The following INPP4B variants were observed in gnomAD, a reference collection of about 807,000 sequenced individuals.
INPP4B encodes the protein inositol polyphosphate-4-phosphatase type II B.
Under a neutral mutation model 122.5 loss-of-function variants are expected in INPP4B, and 55 were observed. That is an observed-to-expected ratio of 0.45 (90% confidence interval 0.36 to 0.56). INPP4B has a LOEUF of 0.56. Among genes scored for constraint, INPP4B ranks in the 20% least tolerant of loss-of-function variants. The pLI is 0.00. For missense variants in INPP4B, 1,000 were observed against 1,097.7 expected, an observed-to-expected ratio of 0.91 and a Z score of 1.26; for synonymous variants, 403 against 388.7, an observed-to-expected ratio of 1.04 and a Z score of -0.43.
At chr4:142,590,972 GT>G (rs1737363776) in intron 2 of INPP4B, among the ~76,000 whole-genome samples, 1 of 151,320 alleles carries the variant, frequency 6.6e-6, no homozygotes. Context: ...AGTATAGAAG[GT>G]GAGGCTGGTA....
At chr4:142,312,368 A>T (rs1765838225) in intron 8 of INPP4B, among the ~76,000 whole-genome samples, 1 of 152,308 alleles carries the variant, frequency 6.6e-6, no homozygotes, top group East Asian at 1.9e-4. Flanking sequence ...TCTCTTAATC[A>T]TCCCCCAGGA....
chr4:142,214,849 G>A (rs1048981905), intron 12 of INPP4B, among the ~76,000 whole-genome samples: 5 of 152,108 alleles, frequency 3.3e-5, no homozygotes, highest in African/African-American at 1.2e-4. Context: ...CACTGCGCCC[G>A]ACCCAGCACA....
chr4:142,441,485 T>C (rs1236872146), intron 3 of INPP4B, among the ~76,000 whole-genome samples: 1 of 152,180 alleles, frequency 6.6e-6, no homozygotes, highest in Non-Finnish European at 1.5e-5. Context: ...ACTCATGTTG[T>C]TCTGAGGTGC....
At chr4:142,092,826 G>T (rs1395355181) in intron 23 of INPP4B, among the ~76,000 whole-genome samples, 2 of 152,180 alleles carry the variant, frequency 1.3e-5, no homozygotes, top group South Asian at 2.1e-4. Flanking sequence ...TTAGAATGAG[G>T]AAAGGACAAG....
intron 1 of INPP4B, among the ~76,000 whole-genome samples, chr4:142,739,882 A>G (rs1767649294): frequency 6.6e-6 from 1 of 152,028 alleles, no homozygotes; most frequent in South Asian, 2.1e-4. Context: ...TTTCACATAT[A>G]TATTATTGCT....
intron 1 of INPP4B, among the ~76,000 whole-genome samples, chr4:142,780,224 T>C (rs1054923704): frequency 6.6e-6 from 1 of 152,200 alleles, no homozygotes; most frequent in South Asian, 2.1e-4. Flanking sequence ...TAAGTATCTG[T>C]ATCTTCACTA....
rs1366567049 is a variant in INPP4B, at chr4:142,624,668, C to T, written c.-191+101171G>A. Among the ~76,000 whole-genome samples the T allele has an allele frequency of 2.6e-5, 4 of 152,184 alleles. No individual in the cohort carries two copies. The East Asian group carries it at 7.7e-4, about 29-fold the overall frequency. On this transcript the variant is annotated intron_variant, in intron 2 of 25. Transcript: ENST00000262992. Reference sequence around the variant, plus strand: ...TCCTGATACCAAAGCCAGGCAAAGACACAACCCCAAAAAAGAGAATTTTAG... The same window carrying T: ...TCCTGATACCAAAGCCAGGCAAAGATACAACCCCAAAAAAGAGAATTTTAG...
intron 1 of INPP4B, among the ~76,000 whole-genome samples, chr4:142,732,422 T>C (rs1766238886): frequency 6.6e-6 from 1 of 152,078 alleles, no homozygotes; most frequent in Non-Finnish European, 1.5e-5. Flanking sequence ...TAATAAATGA[T>C]GAAATACATT....
intron 2 of INPP4B, among the ~76,000 whole-genome samples, chr4:142,680,032 G>A (rs1339621371): frequency 6.6e-6 from 1 of 151,760 alleles, no homozygotes; most frequent in Non-Finnish European, 1.5e-5. Flanking sequence ...TTCAGCAATG[G>A]ACAAGCTGGC....
At chr4:142,210,639 C>T (rs1307004749) in intron 12 of INPP4B, among the ~76,000 whole-genome samples, 1 of 152,146 alleles carries the variant, frequency 6.6e-6, no homozygotes, top group East Asian at 1.9e-4. Flanking sequence ...TAGGTTGAAT[C>T]TGAGATATAC....
At chr4:142,539,879 A>G (rs1044132577) in intron 2 of INPP4B, among the ~76,000 whole-genome samples, 2 of 152,018 alleles carry the variant, frequency 1.3e-5, no homozygotes, top group African/African-American at 4.8e-5. Flanking sequence ...ATACGTAGGG[A>G]AAAAAATTAC....
chr4:142,480,162 T>C (rs934234528), intron 2 of INPP4B, among the ~76,000 whole-genome samples: 10 of 152,236 alleles, frequency 6.6e-5, no homozygotes, highest in Admixed American at 2.6e-4. Flanking sequence ...CCTATACTTA[T>C]ACTAATTGGA....
At chr4:142,484,659 T>C (rs990668409) in intron 2 of INPP4B, among the ~76,000 whole-genome samples, 1 of 152,140 alleles carries the variant, frequency 6.6e-6, no homozygotes. Context: ...GTTTGTTACA[T>C]AGGTAAACGT....
At chr4:142,453,415 T>G (rs970193391) in intron 3 of INPP4B, among the ~76,000 whole-genome samples, 1 of 152,228 alleles carries the variant, frequency 6.6e-6, no homozygotes. Flanking sequence ...TAGTATTGAC[T>G]AAATTGTCTA....
chr4:142,206,091 A>C (rs113714983), intron 14 of INPP4B, among the ~76,000 whole-genome samples: 4,555 of 152,240 alleles, frequency 0.03, 214 homozygotes, highest in African/African-American at 0.1. Context: ...TACATGGTAG[A>C]AGGTGGAAAA....
intron 2 of INPP4B, among the ~76,000 whole-genome samples, chr4:142,564,439 C>CAAAAAAAAAA (rs199803105): frequency 1.8e-4 from 18 of 97,900 alleles, no homozygotes; most frequent in East Asian, 1.2e-3. Context: ...TAAGGAATGG[C>CAAAAAAAAAA]AAAAAAAAAA....
chr4:142,775,650 C>G (rs539174776), intron 1 of INPP4B, among the ~76,000 whole-genome samples: 211 of 152,012 alleles, frequency 1.4e-3, no homozygotes, highest in African/African-American at 4.8e-3. Context: ...GCTGGGATTA[C>G]AGGCATGAGC....
intron 23 of INPP4B, among the ~76,000 whole-genome samples, chr4:142,106,861 A>G (rs1787390201): frequency 6.6e-6 from 1 of 152,186 alleles, no homozygotes; most frequent in Non-Finnish European, 1.5e-5. Context: ...GAATTAATAT[A>G]AGAAATATAA....
chr4:142,501,033 A>G (rs1360162120), intron 2 of INPP4B, among the ~76,000 whole-genome samples: 1 of 152,186 alleles, frequency 6.6e-6, no homozygotes, highest in Non-Finnish European at 1.5e-5. Flanking sequence ...TGTTATATAT[A>G]TTTACCACAA....
Sources: gnomAD v4.1 joint callset for allele counts (sites outside exome capture counted in the v4.1 genomes callset) on GRCh38, gnomAD v4.1.1 for gene constraint, MANE v1.5 for transcripts, NCBI Gene and HGNC (gene_info 2026-07-23, HGNC 2026-07-21) for gene names.